Variants in DLGAP2 observed in about 807,000 individuals in gnomAD.
DLGAP2 encodes DLG associated protein 2, also known as disks large-associated protein 2.
In DLGAP2, 26 loss-of-function variants were observed where a neutral mutation model predicts 100.3. That is an observed-to-expected ratio of 0.26 (90% CI 0.19 to 0.36). DLGAP2 has a LOEUF of 0.36. Among genes scored for constraint, DLGAP2 ranks in the 10% least tolerant of loss-of-function variants. The pLI is 1.00. For synonymous variants in DLGAP2, 886 were observed against 630.1 expected (o/e 1.41, Z -6.08); for missense variants, 1,858 against 1,453.2 (o/e 1.28, Z -4.53).
chr8:1,040,226 G>A (rs35374953), intron 2 of DLGAP2, among the ~76,000 whole-genome samples: 35,171 of 135,618 alleles, frequency 0.26, 4,951 homozygotes, highest in Admixed American at 0.33. Flanking sequence ...GTGCATGGTC[G>A]GCTCGGTTTC....
intron 1 of DLGAP2, among the ~76,000 whole-genome samples, chr8:874,442 G>A (rs1797653530): frequency 6.6e-6 from 1 of 152,006 alleles, no homozygotes; most frequent in African/African-American, 2.4e-5. Flanking sequence ...AATTTCCTTT[G>A]GGATTTGTTC....
chr8:1,361,186 G>A (rs1255026425), intron 3 of DLGAP2, among the ~76,000 whole-genome samples: 1 of 152,096 alleles, frequency 6.6e-6, no homozygotes, highest in Non-Finnish European at 1.5e-5. Context: ...TGCAGGGGTC[G>A]AACCACCAAC....
rs562810295 is a variant in DLGAP2 at position 1,474,043 on chromosome 8, T to TC, written c.107-27317dup. 4.6e-3 allele frequency among the ~76,000 whole-genome samples: 702 copies of TC among 152,074 alleles called. 3 individuals are homozygous for TC. The highest frequency in any genetic ancestry group is 7.6e-3 in the Non-Finnish European group (519 of 68,002). ...GTGTAGTCTTTTATCCTTCACCCCT[T>TC]CCCCCCGAGTCCCCAAAGTCCATTG... On this transcript the variant is annotated intron_variant, in intron 3 of 14. Coordinates refer to ENST00000637795, the MANE Select transcript of DLGAP2 (RefSeq NM_001346810.2).
chr8:825,199 G>GATAC (rs1379496794), intron 1 of DLGAP2, among the ~76,000 whole-genome samples: 1 of 152,200 alleles, frequency 6.6e-6, no homozygotes, highest in East Asian at 1.9e-4. Flanking sequence ...CGGCTGTCAG[G>GATAC]ATACATACAT....
chr8:836,881 G>A (rs1449740800), intron 1 of DLGAP2, among the ~76,000 whole-genome samples: 1 of 152,194 alleles, frequency 6.6e-6, no homozygotes, highest in Admixed American at 6.5e-5. Context: ...TTTTGCTTCC[G>A]TTCTGCCTCT....
intron 4 of DLGAP2, among the ~76,000 whole-genome samples, chr8:1,527,855 T>C (rs1343947475): frequency 2.0e-5 from 3 of 151,916 alleles, no homozygotes; most frequent in Non-Finnish European, 4.4e-5. Context: ...CCATTTTTAA[T>C]ATTTTCTGTT....
intron 6 of DLGAP2, among the ~76,000 whole-genome samples, chr8:1,618,615 A>C (rs1450428944): frequency 6.6e-6 from 1 of 152,232 alleles, no homozygotes; most frequent in African/African-American, 2.4e-5. Context: ...AAAAGAACAC[A>C]GTTGGAGGAC....
intron 3 of DLGAP2, among the ~76,000 whole-genome samples, chr8:1,362,907 G>A (rs78382771): frequency 0.016 from 2,431 of 152,102 alleles, 28 homozygotes; most frequent in Middle Eastern, 0.037. Context: ...CGTCTTTCCC[G>A]TCTGTCTGTC....
At chr8:1,675,050 C>T (rs1000415131) in intron 10 of DLGAP2, among the ~76,000 whole-genome samples, 1 of 152,204 alleles carries the variant, frequency 6.6e-6, no homozygotes, top group African/African-American at 2.4e-5. Context: ...GAATGTTCTT[C>T]CTCCTGTAGC....
Position 1,027,683 on chromosome 8 carries a change from A to G in DLGAP2, c.73+119717A>G, listed in dbSNP as rs570542823. Among the ~76,000 whole-genome samples the G allele has an allele frequency of 3.6e-5, 5 of 138,328 alleles. No individual in the cohort carries two copies. In the East Asian group the frequency reaches 1.1e-3, roughly 32 times the overall value. 90.7% of individuals were successfully genotyped at this position (138,328 alleles called of 152,430 possible). On this transcript the variant is annotated intron_variant, in intron 2 of 14. Transcript: ENST00000637795. ...CCCGTTATTCTCCAGCTGGGGTGCC[A>G]GGCGCCCGTTATTCTCCAGGTGGGG... is the stretch of plus-strand genomic sequence containing the variant.
chr8:828,751 A>G (rs982147758), intron 1 of DLGAP2, among the ~76,000 whole-genome samples: 2 of 152,240 alleles, frequency 1.3e-5, no homozygotes, highest in Non-Finnish European at 2.9e-5. Flanking sequence ...TGCAGTAAAG[A>G]CAGGCATAAG....
At chr8:906,556 C>A (rs1584880096) in intron 1 of DLGAP2, among the ~76,000 whole-genome samples, 1 of 152,296 alleles carries the variant, frequency 6.6e-6, no homozygotes, top group East Asian at 1.9e-4. Flanking sequence ...TGTTCTTGCA[C>A]TGTTGGGCAT....
At chr8:1,554,121 C>G (rs1388344096) in intron 5 of DLGAP2, among the ~76,000 whole-genome samples, 2 of 152,066 alleles carry the variant, frequency 1.3e-5, no homozygotes, top group Non-Finnish European at 2.9e-5. Flanking sequence ...AACCCTGTTT[C>G]TACTAAAAAT....
intron 2 of DLGAP2, among the ~76,000 whole-genome samples, chr8:1,003,623 T>C (rs1801023770): frequency 6.6e-6 from 1 of 152,200 alleles, no homozygotes; most frequent in African/African-American, 2.4e-5. Flanking sequence ...GCTCTTCTGC[T>C]CTGTGATGTG....
intron 3 of DLGAP2, 78 bp downstream of exon 3, chr8:1,258,961 GA>G: frequency 1.7e-6 from 2 of 1,156,074 alleles, no homozygotes; most frequent in Non-Finnish European, 2.2e-6. Flanking sequence ...AGTCTACCAT[GA>G]AACGTGTTGG....
At chr8:989,463 C>T (rs935770680) in intron 2 of DLGAP2, among the ~76,000 whole-genome samples, 15 of 152,216 alleles carry the variant, frequency 9.9e-5, no homozygotes, top group African/African-American at 3.6e-4. Context: ...TTCACTTCCT[C>T]TGTCCTCTAC....
chr8:1,025,357 C>T (rs1420116935), intron 2 of DLGAP2, among the ~76,000 whole-genome samples: 1 of 152,164 alleles, frequency 6.6e-6, no homozygotes, highest in Non-Finnish European at 1.5e-5. Flanking sequence ...CTCTGTCCAG[C>T]ACGTCTTCCC....
rs892162178 is a variant in DLGAP2, at chr8:1,190,522, C to A, written c.74-68329C>A. On this transcript the variant is annotated intron_variant, in intron 2 of 14. Transcript: ENST00000637795. ...CATCTCATGCAGGAGGCACCCGTCC[C>A]GTTCGACGCCTCTGGCCGCCCCGTC... Among the ~76,000 whole-genome samples the A allele has an allele frequency of 4.9e-4, 74 of 152,246 alleles. 1 individual carries two copies. The highest frequency in any genetic ancestry group is 4.8e-3 in the Admixed American group (74 of 15,296).
At chr8:1,098,446 T>G (rs922417934) in intron 2 of DLGAP2, among the ~76,000 whole-genome samples, 1 of 152,164 alleles carries the variant, frequency 6.6e-6, no homozygotes, top group South Asian at 2.1e-4. Flanking sequence ...TTTGCTTTTT[T>G]ACAACTTGGT....
Sources: gnomAD v4.1 joint callset for allele counts (sites outside exome capture counted in the v4.1 genomes callset) on GRCh38, gnomAD v4.1.1 for gene constraint, MANE v1.5 for transcripts, NCBI Gene and HGNC (gene_info 2026-07-23, HGNC 2026-07-21) for gene names.